The following FAF1 variants were observed in gnomAD, a reference collection of about 807,000 sequenced individuals.
FAF1 encodes FAS-associated factor 1.
Under a neutral mutation model 92.5 loss-of-function variants are expected in FAF1, and 25 were observed. The observed-to-expected ratio is 0.27, with a 90% CI of 0.20 to 0.38. The LOEUF (loss-of-function observed/expected upper bound fraction) is 0.38, where lower values mean the gene tolerates loss of function less well. FAF1 is among the 10% of genes least tolerant of loss of function. The pLI, the probability that FAF1 is intolerant of heterozygous loss-of-function variation, is 1.00. For synonymous variants in FAF1, 234 were observed against 273.2 expected (o/e 0.86, Z 1.42); for missense variants, 636 against 793.3 (o/e 0.80, Z 2.38).
chr1:50,950,133 C>A (rs989705981), intron 1 of FAF1, among the ~76,000 whole-genome samples: 1 of 152,172 alleles, frequency 6.6e-6, no homozygotes, highest in African/African-American at 2.4e-5. Flanking sequence ...AGCCACCACA[C>A]CTGTCCCAGA....
chr1:50,871,468 G>A (rs1644527757), intron 1 of FAF1, among the ~76,000 whole-genome samples: 1 of 152,180 alleles, frequency 6.6e-6, no homozygotes, highest in South Asian at 2.1e-4. Context: ...TAATGCAGAT[G>A]GTGACTTTCA....
intron 18 of FAF1, among the ~76,000 whole-genome samples, chr1:50,457,502 A>G (rs1460951966): frequency 6.6e-6 from 1 of 152,174 alleles, no homozygotes; most frequent in Non-Finnish European, 1.5e-5. Flanking sequence ...GTGTCTGCGA[A>G]AGCAACTAGA....
At chr1:50,675,433 G>C (rs1431674514) in intron 7 of FAF1, among the ~76,000 whole-genome samples, 1 of 152,212 alleles carries the variant, frequency 6.6e-6, no homozygotes, top group South Asian at 2.1e-4. Context: ...ATATTGGAAT[G>C]TTAGGGACGA....
intron 1 of FAF1, among the ~76,000 whole-genome samples, chr1:50,941,105 C>T (rs1472060922): frequency 1.3e-5 from 2 of 151,272 alleles, no homozygotes; most frequent in African/African-American, 4.9e-5. Context: ...AATCTTGACT[C>T]GCTGCAACCT....
At chr1:50,729,058 A>ATATATATATTTT (rs1375923156) in intron 6 of FAF1, among the ~76,000 whole-genome samples, 2 of 70,118 alleles carry the variant, frequency 2.9e-5, no homozygotes, top group African/African-American at 5.9e-5. Context: ...ATATATATAT[A>ATATATATATTTT]TTTTTTTTTT....
chr1:50,568,310 T>G (rs1278342352), intron 12 of FAF1, among the ~76,000 whole-genome samples: 1 of 152,058 alleles, frequency 6.6e-6, no homozygotes, highest in Non-Finnish European at 1.5e-5. Flanking sequence ...TAAATAAGAA[T>G]GTGATGACAG....
chr1:50,685,447 G>C (rs1340397489), intron 7 of FAF1, among the ~76,000 whole-genome samples: 6 of 152,160 alleles, frequency 3.9e-5, no homozygotes, highest in African/African-American at 1.4e-4. Context: ...ATAGTTAATG[G>C]ATGAAAGATT....
chr1:50,883,592 A>C (rs965611766), intron 1 of FAF1, among the ~76,000 whole-genome samples: 7 of 152,126 alleles, frequency 4.6e-5, no homozygotes, highest in African/African-American at 1.7e-4. Flanking sequence ...ACTATCCTGG[A>C]CCCCTCACAA....
At chr1:50,541,242 T>C (rs549757404) in intron 13 of FAF1, among the ~76,000 whole-genome samples, 2 of 152,318 alleles carry the variant, frequency 1.3e-5, no homozygotes, top group Non-Finnish European at 2.9e-5. Flanking sequence ...CTAGAACTGT[T>C]GGCAAGAGTG....
chr1:50,960,028 C>G lies in FAF1; in HGVS notation c.-217G>C. 1 of 395,720 alleles carries G rather than the reference C, an allele frequency of 2.5e-6. No individual in the cohort carries two copies. Among genetic ancestry groups the G allele is most frequent in the South Asian group, 1.3e-4 (1 of 7,854 alleles). The allele number at this position is 395,720 out of a possible 1,614,324, so 24.5% of individuals were successfully genotyped here. On this transcript the variant is annotated 5_prime_UTR_variant, in exon 1 of 19. Coordinates refer to ENST00000396153, the MANE Select transcript of FAF1 (RefSeq NM_007051.3). ...AACCTTCAGGCGCCCCGGCCGCCCG[C>G]CTGCAACCTGCGGAGCCCGCGTCGC...
At chr1:50,734,039 C>T (rs909530427) in intron 6 of FAF1, among the ~76,000 whole-genome samples, 3 of 152,240 alleles carry the variant, frequency 2.0e-5, no homozygotes, top group Non-Finnish European at 2.9e-5. Flanking sequence ...TCAAGCAATC[C>T]ACTCACCTCG....
chr1:50,917,019 C>A (rs1318777160), intron 1 of FAF1, among the ~76,000 whole-genome samples: 2 of 152,152 alleles, frequency 1.3e-5, no homozygotes, highest in Non-Finnish European at 2.9e-5. Context: ...TGTCCCGAAT[C>A]TATCACCCTA....
intron 15 of FAF1, among the ~76,000 whole-genome samples, chr1:50,492,199 T>C (rs1646847749): frequency 6.6e-6 from 1 of 152,208 alleles, no homozygotes; most frequent in Non-Finnish European, 1.5e-5. Flanking sequence ...CCTTTTCTCC[T>C]GATTTTTCTG....
chr1:50,466,754 T>C (rs1646501433), intron 18 of FAF1, among the ~76,000 whole-genome samples: 1 of 152,212 alleles, frequency 6.6e-6, no homozygotes, highest in African/African-American at 2.4e-5. Context: ...TCCAGTTTTA[T>C]ATATCCTGTC....
At chr1:50,747,692 C>A (rs1449463840) in intron 4 of FAF1, among the ~76,000 whole-genome samples, 2 of 152,060 alleles carry the variant, frequency 1.3e-5, no homozygotes, top group Admixed American at 6.6e-5. Flanking sequence ...GGAGGGGCCA[C>A]GGGTGAAATA....
At chr1:50,905,482 CT>C (rs1644829938) in intron 1 of FAF1, among the ~76,000 whole-genome samples, 1 of 152,218 alleles carries the variant, frequency 6.6e-6, no homozygotes, top group Non-Finnish European at 1.5e-5. Context: ...AATGGTTGAA[CT>C]AGTTTACAGT....
intron 4 of FAF1, among the ~76,000 whole-genome samples, chr1:50,765,918 C>T (rs1001745288): frequency 8.5e-5 from 13 of 152,062 alleles, no homozygotes; most frequent in African/African-American, 3.1e-4. Context: ...TGGTGAAACC[C>T]CGTCTCTACT....
intron 6 of FAF1, among the ~76,000 whole-genome samples, chr1:50,707,928 G>T (rs901959175): frequency 6.6e-6 from 1 of 152,094 alleles, no homozygotes. Context: ...TTGATGACTT[G>T]CACTGTTCCA....
At chr1:50,585,896 A>G (rs1022314063) in intron 9 of FAF1, among the ~76,000 whole-genome samples, 38 of 150,594 alleles carry the variant, frequency 2.5e-4, no homozygotes, top group Middle Eastern at 3.4e-3. Flanking sequence ...AAAAAAAAAA[A>G]AAAAAGAAAA....
Sources: gnomAD v4.1 joint callset for allele counts (sites outside exome capture counted in the v4.1 genomes callset) on GRCh38, gnomAD v4.1.1 for gene constraint, MANE v1.5 for transcripts, NCBI Gene and HGNC (gene_info 2026-07-23, HGNC 2026-07-21) for gene names.